BFSP1: variants seen among roughly 807,000 people sequenced by gnomAD.
BFSP1 encodes filensin.
Under a neutral mutation model 43.9 loss-of-function variants are expected in BFSP1, and 38 were observed. The observed-to-expected ratio is 0.87, with a 90% confidence interval of 0.67 to 1.14. The LOEUF is 1.14. BFSP1 is among the 50% of genes most tolerant of loss of function. The pLI is 0.00. For missense variants in BFSP1, 850 were observed against 875.1 expected (o/e 0.97, Z 0.36); for synonymous variants, 352 against 354.8 (o/e 0.99, Z 0.09).
At position 17,494,572 on chromosome 20, in the gene BFSP1, C is replaced by T. The variant is rs6136118; in HGVS notation, c.1500G>A (p.Ala500=). 0.26 allele frequency: 415,318 copies of T among 1,613,960 alleles called. 55,506 individuals are homozygous for T. Among genetic ancestry groups the T allele is most frequent in the East Asian group, 0.39 (17,659 of 44,866 alleles). Residue 500 remains alanine, a synonymous_variant, in exon 8 of 8, where the codon GCG becomes GCA. Coordinates refer to ENST00000377873, the MANE Select transcript of BFSP1 (RefSeq NM_001195.5). ...TAKGGVAVSV[A]EDSVLYDGQV... is the part of the protein sequence containing the mutation. ...GGCCGTCATAAAGCACAGAGTCTTC[C>T]GCAACAGAAACAGCCACCCCACCTT...
At chr20:17,553,471 T>C (rs907171619) in intron 1 of BFSP1, among the ~76,000 whole-genome samples, 12 of 152,126 alleles carry the variant, frequency 7.9e-5, no homozygotes, top group Non-Finnish European at 4.4e-5. Context: ...ATGTGCCAAG[T>C]GACATTCGAA....
chr20:17,512,762 C>G (rs1465623360), intron 3 of BFSP1, among the ~76,000 whole-genome samples: 1 of 152,168 alleles, frequency 6.6e-6, no homozygotes, highest in African/African-American at 2.4e-5. Flanking sequence ...ACAAAGGACC[C>G]TTTCCAACAC....
At chr20:17,563,885 TAAAA>T (rs998399781), upstream of BFSP1, among the ~76,000 whole-genome samples, 2 of 90,774 alleles carry the variant, frequency 2.2e-5, no homozygotes, top group African/African-American at 4.0e-5. Context: ...AGACCGTGTC[TAAAA>T]AAAAAAAAAA....
chr20:17,519,097 ATGGGGTGGGGCACAGAAT>A (rs1026740220), intron 2 of BFSP1, among the ~76,000 whole-genome samples: 4 of 152,130 alleles, frequency 2.6e-5, no homozygotes, highest in African/African-American at 9.7e-5. Flanking sequence ...ACTGCTGAGG[ATGGGGTGGGGCACAGAAT>A]TCTCAATCAC....
chr20:17,562,638 A>C (rs1406370112), upstream of BFSP1, among the ~76,000 whole-genome samples: 1 of 151,664 alleles, frequency 6.6e-6, no homozygotes, highest in Non-Finnish European at 1.5e-5. Flanking sequence ...CCATTTTCTC[A>C]CTGTTTAACT....
In BFSP1 at chr20:17,507,900, T is replaced by C. The variant is rs1282548952; in HGVS notation, c.735+989A>G. 1.3e-5 allele frequency among the ~76,000 whole-genome samples: 2 copies of C among 152,106 alleles called. No individual in the cohort carries two copies. The highest frequency in any genetic ancestry group is 2.9e-5 in the Non-Finnish European group (2 of 68,016). On this transcript the variant is annotated intron_variant, in intron 5 of 7. Transcript: ENST00000377873. This position sits in a 1 kb window ranked among gnomAD's most constrained non-coding sequence, Gnocchi z 4.4. Reference sequence around the variant, plus strand: ...CTGCTGCACTGTGAGTTTTGTGTGGTGCGTGCTGGGATGGGAATTAGGATG... The same window carrying C: ...CTGCTGCACTGTGAGTTTTGTGTGGCGCGTGCTGGGATGGGAATTAGGATG...
intron 1 of BFSP1, among the ~76,000 whole-genome samples, chr20:17,540,176 T>C (rs1600674271): frequency 1.3e-5 from 2 of 152,262 alleles, no homozygotes; most frequent in Admixed American, 1.3e-4. Context: ...ACCATCTGAC[T>C]TGTTAGTTCA....
At chr20:17,503,064 C>T (rs557330144) in intron 5 of BFSP1, among the ~76,000 whole-genome samples, 1 of 152,270 alleles carries the variant, frequency 6.6e-6, no homozygotes, top group Admixed American at 6.5e-5. Flanking sequence ...CACTCTATTG[C>T]CCAGGCTGGA....
At chr20:17,534,152 G>A (rs2034592250), upstream of BFSP1, among the ~76,000 whole-genome samples, 1 of 152,226 alleles carries the variant, frequency 6.6e-6, no homozygotes, top group African/African-American at 2.4e-5. Context: ...AGAAATCATT[G>A]CTGAATGAAT....
intron 6 of BFSP1, among the ~76,000 whole-genome samples, chr20:17,498,619 G>A (rs1392526991): frequency 6.6e-6 from 1 of 152,094 alleles, no homozygotes; most frequent in Non-Finnish European, 1.5e-5. Flanking sequence ...TCCTCCCTGC[G>A]GGAACTTCCT....
In BFSP1 at chr20:17,531,306, G is replaced by A. The variant is rs1161393010; in HGVS notation, c.24C>T (p.Phe8=). The A allele has an allele frequency of 6.8e-7, 1 of 1,472,888 alleles. No individual in the cohort carries two copies. Among genetic ancestry groups the A allele is most frequent in the South Asian group, 1.3e-5 (1 of 77,164 alleles). 91.2% of individuals were successfully genotyped at this position (1,472,888 alleles called of 1,614,324 possible). The stretch of plus-strand genomic sequence containing the variant: ...GCTCGTACTGCTCCTTGCGGGTCTG[G>A]AAGACGTAGCTGCGCCGGTACATGG... The part of the protein sequence containing the change: MYRRSYV[F]QTRKEQYEHA... Residue 8 remains phenylalanine (F), a synonymous_variant, in exon 1 of 8, where the codon TTC becomes TTT. Transcript: ENST00000377873.
rs1001095216 is a variant in BFSP1 at position 17,525,681 on chromosome 20, C to T, written c.378-773G>A. Among the ~76,000 whole-genome samples the T allele has an allele frequency of 2.0e-5, 3 of 152,292 alleles. No individual in the cohort carries two copies. Among genetic ancestry groups the T allele is most frequent in the East Asian group, 3.9e-4 (2 of 5,162 alleles). On this transcript the variant is annotated intron_variant, in intron 1 of 7. Transcript: ENST00000377873. The surrounding 1 kb of genome is among the most constrained non-coding windows in gnomAD (Gnocchi z 4.2). ...TTTTAACCCTAAAGAGAGAAGATTC[C>T]TTCCTAAATGACCCCTCCCCTTGTT...
At chr20:17,558,825 C>A (rs775109633) in exon 1 of BFSP1, 2 of 1,330,496 alleles carry the variant, frequency 1.5e-6, no homozygotes, top group Non-Finnish European at 2.0e-6. Flanking sequence ...CAGGTCTGGG[C>A]TGAGAAAGAA....
At chr20:17,545,213 T>A (rs542588593) in intron 1 of BFSP1, among the ~76,000 whole-genome samples, 4 of 152,242 alleles carry the variant, frequency 2.6e-5, no homozygotes, top group African/African-American at 9.6e-5. Flanking sequence ...GGCTTTTTTT[T>A]ATTAGGCAAA....
upstream of BFSP1, among the ~76,000 whole-genome samples, chr20:17,532,415 A>G (rs985825632): frequency 1.3e-5 from 2 of 151,576 alleles, no homozygotes; most frequent in African/African-American, 2.4e-5. Flanking sequence ...AAAAAAAAAA[A>G]AAAAAAGAAA....
At chr20:17,538,677 C>T (rs887555844) in intron 1 of BFSP1, among the ~76,000 whole-genome samples, 1 of 152,182 alleles carries the variant, frequency 6.6e-6, no homozygotes, top group Non-Finnish European at 1.5e-5. Flanking sequence ...ATTGTCGTAC[C>T]AACTCATCGT....
intron 3 of BFSP1, among the ~76,000 whole-genome samples, chr20:17,512,622 T>C (rs1287970019): frequency 6.6e-6 from 1 of 151,982 alleles, no homozygotes; most frequent in Non-Finnish European, 1.5e-5. Flanking sequence ...GAGGCTGAGG[T>C]AGAAGGATCA....
Position 17,565,709 on chromosome 20 carries a change from T to A in BFSP1, n.51-2614A>T, listed in dbSNP as rs1254448641. ...CAGTGGTTACCTCTGAGGAGAGGAC[T>A]GGGATTATGGGAAAAGAGAGAAGGT... On this transcript the variant is annotated intron_variant and non_coding_transcript_variant, in intron 1 of 6. Coordinates refer to the BFSP1 transcript ENST00000473415. 5 of 152,240 alleles carry A rather than the reference T, an allele frequency of 3.3e-5. No individual in the cohort carries two copies. The East Asian group carries it at 9.6e-4, about 29-fold the overall frequency. 9.4% of individuals were successfully genotyped at this position (152,240 alleles called of 1,614,324 possible).
chr20:17,553,048 A>G (rs1224121557), intron 1 of BFSP1, among the ~76,000 whole-genome samples: 1 of 152,222 alleles, frequency 6.6e-6, no homozygotes, highest in Non-Finnish European at 1.5e-5. Flanking sequence ...CTTAGTATGC[A>G]TGGGGACTCT....
Sources: allele counts gnomAD v4.1 joint callset (sites outside exome capture counted in the v4.1 genomes callset), GRCh38; gene constraint gnomAD v4.1.1; non-coding constraint Gnocchi (gnomAD v3.1); transcripts MANE v1.5; gene names NCBI Gene and HGNC (gene_info 2026-07-23, HGNC 2026-07-21).